Variants in KIF6 observed in about 807,000 individuals in gnomAD.
The protein encoded by KIF6 is kinesin family member 6, also known as kinesin-like protein KIF6.
Under a neutral mutation model 112.7 loss-of-function variants are expected in KIF6, and 106 were observed. The observed-to-expected ratio is 0.94, with a 90% CI of 0.80 to 1.11. The LOEUF is 1.11. Among genes scored for constraint, KIF6 ranks in the 50% least tolerant of loss-of-function variants. The pLI is 0.00. For synonymous variants in KIF6, 339 were observed against 339.9 expected (o/e 1.00, Z 0.03); for missense variants, 929 against 964.0 (o/e 0.96, Z 0.48).
At chr6:39,715,248 TG>T (rs1208301958) in intron 2 of KIF6, among the ~76,000 whole-genome samples, 1 of 152,224 alleles carries the variant, frequency 6.6e-6, no homozygotes, top group Non-Finnish European at 1.5e-5. Context: ...TCCACTAATT[TG>T]GTGCTATATC....
intron 9 of KIF6, 39 bp from the exon 10 acceptor site, chr6:39,578,198 C>T (rs761113480): frequency 8.3e-6 from 11 of 1,323,568 alleles, no homozygotes; most frequent in African/African-American, 5.8e-5. Flanking sequence ...GTCAACTTCT[C>T]ATTAAGGTGA....
chr6:39,558,407 T>A (rs73732153), intron 10 of KIF6, among the ~76,000 whole-genome samples: 39,308 of 152,092 alleles, frequency 0.26, 6,405 homozygotes, highest in African/African-American at 0.44. Flanking sequence ...TTTCTTTAAG[T>A]GGTAGAACCC....
chr6:39,469,385 T>C (rs973667005), intron 13 of KIF6, among the ~76,000 whole-genome samples: 2 of 151,810 alleles, frequency 1.3e-5, no homozygotes, highest in Admixed American at 1.3e-4. Context: ...TCACATGAGA[T>C]TTAAAAAAAA....
intron 7 of KIF6, among the ~76,000 whole-genome samples, chr6:39,591,750 G>C (rs1318390298): frequency 6.6e-6 from 1 of 152,164 alleles, no homozygotes. Context: ...TTGTGAGGCT[G>C]GTGTGAGTTC....
intron 13 of KIF6, among the ~76,000 whole-genome samples, chr6:39,481,366 T>C (rs1444850107): frequency 3.3e-5 from 5 of 152,194 alleles, no homozygotes; most frequent in Non-Finnish European, 7.3e-5. Flanking sequence ...ATGTATTACC[T>C]CTTCAACATA....
intron 19 of KIF6, among the ~76,000 whole-genome samples, chr6:39,356,464 C>T (rs1484040355): frequency 6.6e-6 from 1 of 152,124 alleles, no homozygotes; most frequent in Non-Finnish European, 1.5e-5. Context: ...CAGGCTTCCC[C>T]ATGTTGGTCA....
chr6:39,399,124 C>T (rs1768497788), intron 15 of KIF6, among the ~76,000 whole-genome samples: 1 of 152,300 alleles, frequency 6.6e-6, no homozygotes, highest in Middle Eastern at 3.4e-3. Flanking sequence ...CTTGCCAGCC[C>T]CTACAATCTC....
At chr6:39,451,372 C>G (rs1031168767) in intron 13 of KIF6, among the ~76,000 whole-genome samples, 2 of 152,158 alleles carry the variant, frequency 1.3e-5, no homozygotes, top group African/African-American at 2.4e-5. Flanking sequence ...GAAGGTCTCT[C>G]TGAAAAAGTG....
chr6:39,435,956 T>C (rs1454174452), intron 13 of KIF6, among the ~76,000 whole-genome samples: 1 of 152,230 alleles, frequency 6.6e-6, no homozygotes, highest in Non-Finnish European at 1.5e-5. Context: ...TCCATAGAAA[T>C]TATATTAATT....
chr6:39,466,438 GAAC>G (rs1219330532), intron 13 of KIF6, among the ~76,000 whole-genome samples: 1 of 152,146 alleles, frequency 6.6e-6, no homozygotes, highest in Non-Finnish European at 1.5e-5. Context: ...TTAAAACAAA[GAAC>G]AACAACAAAA....
chr6:39,674,951 C>T (rs1388080706), intron 3 of KIF6, among the ~76,000 whole-genome samples: 1 of 151,712 alleles, frequency 6.6e-6, no homozygotes, highest in Admixed American at 6.6e-5. Context: ...TGCATTAGTA[C>T]AGGAGAGGGA....
At chr6:39,562,482 C>T (rs1004609503) in intron 10 of KIF6, among the ~76,000 whole-genome samples, 1 of 152,084 alleles carries the variant, frequency 6.6e-6, no homozygotes, top group East Asian at 1.9e-4. Flanking sequence ...TTTTTGATAC[C>T]GAACCACGCA....
rs1180394773 is a variant in KIF6, at chr6:39,639,390, C to T, written c.399+220G>A. Among the ~76,000 whole-genome samples the T allele has an allele frequency of 4.6e-5, 7 of 152,034 alleles. No individual in the cohort carries two copies. In the South Asian group the frequency reaches 1.4e-3, roughly 31 times the overall value. On this transcript the variant is annotated intron_variant, in intron 4 of 22. Coordinates refer to ENST00000287152, the MANE Select transcript of KIF6 (RefSeq NM_145027.6). The stretch of plus-strand genomic sequence containing the variant: ...ATATCAGAAGGAAATGTCCTTGAGC[C>T]TTTGCTGAAATAGCAGCCCTTTAAT...
chr6:39,636,440 A>C (rs1333229344), intron 4 of KIF6, among the ~76,000 whole-genome samples: 5 of 151,976 alleles, frequency 3.3e-5, no homozygotes, highest in Admixed American at 2.0e-4. Flanking sequence ...GGATGACTCT[A>C]ATGCTTATCC....
chr6:39,477,110 A>T (rs1467559281), intron 13 of KIF6, among the ~76,000 whole-genome samples: 1 of 152,196 alleles, frequency 6.6e-6, no homozygotes, highest in Non-Finnish European at 1.5e-5. Flanking sequence ...AAACATATGA[A>T]AAGGTGCTCA....
chr6:39,428,184 A>G (rs1043037867), intron 14 of KIF6, among the ~76,000 whole-genome samples: 3 of 152,182 alleles, frequency 2.0e-5, no homozygotes, highest in Non-Finnish European at 4.4e-5. Flanking sequence ...TTTAATTAGA[A>G]TATCTGGGGA....
chr6:39,607,525 T>C (rs1483293644), intron 6 of KIF6, among the ~76,000 whole-genome samples: 2 of 152,200 alleles, frequency 1.3e-5, no homozygotes, highest in Non-Finnish European at 2.9e-5. Flanking sequence ...ATTGTCAATA[T>C]ATCTTTTACT....
chr6:39,518,756 C>T (rs1459119831), intron 13 of KIF6, among the ~76,000 whole-genome samples: 2 of 152,172 alleles, frequency 1.3e-5, no homozygotes, highest in African/African-American at 2.4e-5. Flanking sequence ...GTCTGACACT[C>T]GTTGAGCTTT....
At chr6:39,344,848 G>A (rs1763584718) in intron 21 of KIF6, among the ~76,000 whole-genome samples, 1 of 149,006 alleles carries the variant, frequency 6.7e-6, no homozygotes, top group Non-Finnish European at 1.5e-5. Context: ...ATTTAGCTAA[G>A]TTGCCACAAC....
Sources: allele counts gnomAD v4.1 joint callset (sites outside exome capture counted in the v4.1 genomes callset), GRCh38; gene constraint gnomAD v4.1.1; transcripts MANE v1.5; gene names NCBI Gene and HGNC (gene_info 2026-07-23, HGNC 2026-07-21).